The following MGAM2 variants were observed in gnomAD, a reference collection of about 807,000 sequenced individuals.
MGAM2 encodes maltase-glucoamylase 2 (putative).
MGAM2 carries 98 observed loss-of-function variants against 96.1 expected under a neutral mutation model. That is an observed-to-expected ratio of 1.02 (90% confidence interval 0.87 to 1.21). The LOEUF is 1.21. MGAM2 is among the 50% of genes most tolerant of loss of function. The pLI, the probability that MGAM2 is intolerant of heterozygous loss-of-function variation, is 0.00. For missense variants in MGAM2, 2,055 were observed against 1,182.4 expected, an observed-to-expected ratio of 1.74 and a Z score of -10.82; for synonymous variants, 749 against 414.8, an observed-to-expected ratio of 1.81 and a Z score of -9.79.
chr7:142,123,111 C>T (rs552920083), intron 3 of MGAM2, among the ~76,000 whole-genome samples: 25 of 152,176 alleles, frequency 1.6e-4, no homozygotes, highest in Middle Eastern at 3.4e-3. Context: ...GGTGAGCCAC[C>T]GCGCCCGACC....
rs202230778 is a variant in MGAM2, at chr7:142,123,171, C to CTTT, written c.186+2800_186+2802dup. 3.0e-4 allele frequency among the ~76,000 whole-genome samples: 43 copies of CTTT among 145,036 alleles called. 1 individual carries two copies. Among genetic ancestry groups the CTTT allele is most frequent in the South Asian group, 1.7e-3 (8 of 4,610 alleles). On this transcript the variant is annotated intron_variant, in intron 3 of 47. Coordinates refer to ENST00000477922, the MANE Select transcript of MGAM2 (RefSeq NM_001293626.2). Reference sequence around the variant, plus strand: ...GCCTATTGTTAGGTATAGTTATATTCTTTTTTTTTTTTCTGTATCCACCCT... The same window carrying CTTT: ...GCCTATTGTTAGGTATAGTTATATTCTTTTTTTTTTTTTTTCTGTATCCACCCT...
At chr7:142,152,095 C>T (rs1261601987) in intron 15 of MGAM2, among the ~76,000 whole-genome samples, 1 of 151,734 alleles carries the variant, frequency 6.6e-6, no homozygotes, top group Non-Finnish European at 1.5e-5. Context: ...ATTGGCCAGA[C>T]CTGGGGGATA....
In MGAM2 at chr7:142,197,456, A is replaced by G. The variant is rs1171214736; in HGVS notation, c.4689A>G (p.Leu1563=). 2.8e-6 allele frequency: 2 copies of G among 703,026 alleles called. No homozygotes were observed. Among genetic ancestry groups the G allele is most frequent in the Non-Finnish European group, 5.2e-6 (2 of 385,000 alleles). The allele number at this position is 703,026 out of a possible 1,614,324, so 43.5% of individuals were successfully genotyped here. Residue 1563 remains leucine (L), a synonymous_variant, in exon 41 of 48, where the codon CTA becomes CTG. Coordinates refer to ENST00000477922, the MANE Select transcript of MGAM2 (RefSeq NM_001293626.2). ...STFEMLSRKV[L]ETRYTLLPYL... ...TTGAGATGTTGTCCAGAAAAGTCCT[A>G]GAGACCAGATATACCCTGCTTCCTT...
chr7:142,210,380 G>A (rs548523461), intron 46 of MGAM2, among the ~76,000 whole-genome samples: 17 of 151,938 alleles, frequency 1.1e-4, no homozygotes, highest in African/African-American at 3.9e-4. Flanking sequence ...CCAGGGAGCC[G>A]AGTGCCCTTG....
In MGAM2 at chr7:142,220,851, A is replaced by G; in HGVS notation, c.6340A>G (p.Ile2114Val). The change falls in exon 48 of 48, where the codon ATT (isoleucine) becomes GTT (valine). Residue 2114 changes from isoleucine (I) to valine (V), a missense_variant. Transcript: ENST00000477922. ...PSLTSTADAT[I>V]STTVLIATTS... ...TCTGACAAGTACTGCTGATGCCACC[A>G]TTAGTACTACTGTACTTATTGCCAC... is the stretch of plus-strand genomic sequence containing the variant. 1 of 702,150 alleles carries G rather than the reference A, an allele frequency of 1.4e-6. No homozygotes were observed. Among genetic ancestry groups the G allele is most frequent in the Non-Finnish European group, 2.6e-6 (1 of 384,768 alleles). The allele number at this position is 702,150 out of a possible 1,614,324, so 43.5% of individuals were successfully genotyped here. A position where few individuals can be genotyped will look rare whatever the true frequency, so the allele number is the denominator to read the frequency against.
Position 142,220,126 on chromosome 7 carries a change from C to T in MGAM2, c.5615C>T (p.Thr1872Ile). Residue 1872 changes from threonine to isoleucine, a missense_variant, in exon 48 of 48, where the codon ACA (threonine) becomes ATA (isoleucine). Coordinates refer to ENST00000477922, the MANE Select transcript of MGAM2 (RefSeq NM_001293626.2). Reference protein sequence around the residue: ...TTSFPSTTSVTTNTTVPDTTS... With the variant: ...TTSFPSTTSVITNTTVPDTTS... The stretch of plus-strand genomic sequence containing the variant: ...TCTTTCCCAAGTACTACTAGTGTTA[C>T]AACTAATACTACTGTTCCTGATACA... 4.3e-6 allele frequency: 3 copies of T among 702,826 alleles called. No homozygotes were observed. The highest frequency in any genetic ancestry group is 7.8e-6 in the Non-Finnish European group (3 of 384,912). The allele number at this position is 702,826 out of a possible 1,614,324, so 43.5% of individuals were successfully genotyped here.
rs543187906 is a variant in MGAM2 at position 142,165,815 on chromosome 7, T to C, written c.2653-283T>C. On this transcript the variant is annotated intron_variant, in intron 24 of 47. Transcript: ENST00000477922. Reference sequence around the variant, plus strand: ...TGTTGTTATTACTACTTTTATTAAATTGGTAAGCATCACACCCAGAGGACA... The same window carrying C: ...TGTTGTTATTACTACTTTTATTAAACTGGTAAGCATCACACCCAGAGGACA... 2.6e-5 allele frequency among the ~76,000 whole-genome samples: 4 copies of C among 152,304 alleles called. No individual in the cohort carries two copies. In the East Asian group the frequency reaches 7.7e-4, roughly 29 times the overall value.
chr7:142,200,829 A>G (rs923003945), intron 45 of MGAM2, among the ~76,000 whole-genome samples: 1 of 152,080 alleles, frequency 6.6e-6, no homozygotes, highest in African/African-American at 2.4e-5. Context: ...CACTTTTAAT[A>G]TTTTTGCTGT....
In MGAM2 at chr7:142,136,652, C is replaced by T; in HGVS notation, c.847+12C>T. The T allele has an allele frequency of 1.5e-6, 1 of 684,252 alleles. No homozygotes were observed. Among genetic ancestry groups the T allele is most frequent in the South Asian group, 1.6e-5 (1 of 63,480 alleles). The allele number at this position is 684,252 out of a possible 1,614,324, so 42.4% of individuals were successfully genotyped here. A position where few individuals can be genotyped will look rare whatever the true frequency, so the allele number is the denominator to read the frequency against. On this transcript the variant is annotated intron_variant, in intron 8 of 47. Transcript: ENST00000477922. ...CAGTAATGCCATGGGTAGGAAGCAT[C>T]TTTTTATCTTCTGTAGGTAGGAATA...
rs1428658015 is a variant in MGAM2, at chr7:142,166,178, G to A, written c.2733G>A (p.Leu911=). The A allele has an allele frequency of 8.5e-6, 6 of 702,460 alleles. No homozygotes were observed. Among genetic ancestry groups the A allele is most frequent in the South Asian group, 7.4e-5 (5 of 67,498 alleles). The allele number at this position is 702,460 out of a possible 1,614,324, so 43.5% of individuals were successfully genotyped here. A position where few individuals can be genotyped will look rare whatever the true frequency, so the allele number is the denominator to read the frequency against. ...SIRWNLPVSD[L]EKFNCYPDDP... is the part of the protein sequence containing the mutation. ...GGTGGAATCTTCCTGTCAGTGACCT[G>A]GAGAAGTTCAACTGCTACCCTGATG... The change falls in exon 25 of 48, where the codon CTG becomes CTA. Residue 911 remains leucine, a synonymous_variant. Transcript: ENST00000477922.
chr7:142,116,738 T>C (rs1284835586), intron 1 of MGAM2, 136 bp from the exon 2 acceptor site: 1 of 631,062 alleles, frequency 1.6e-6, no homozygotes, highest in Non-Finnish European at 2.9e-6. Flanking sequence ...AAATATTCTT[T>C]AGATTATGTA....
At chr7:142,175,889 C>G (rs1194291851) in intron 32 of MGAM2, 109 bp downstream of exon 32, 3 of 493,594 alleles carry the variant, frequency 6.1e-6, no homozygotes, top group Middle Eastern at 7.6e-4. Flanking sequence ...TTCCTGTACT[C>G]TGTACTTTTT....
intron 13 of MGAM2, among the ~76,000 whole-genome samples, chr7:142,144,581 T>C (rs1379084752): frequency 6.6e-6 from 1 of 152,324 alleles, no homozygotes; most frequent in East Asian, 1.9e-4. Context: ...TTTGAAATGG[T>C]ATTTCTGAAT....
At chr7:142,135,932 C>G (rs746267051) in intron 7 of MGAM2, among the ~76,000 whole-genome samples, 2 of 152,108 alleles carry the variant, frequency 1.3e-5, no homozygotes, top group Non-Finnish European at 2.9e-5. Flanking sequence ...AATACCATCA[C>G]TTTCTGCTAA....
At position 142,172,730 on chromosome 7, in the gene MGAM2, C is replaced by A; in HGVS notation, c.3527C>A (p.Pro1176Gln). ...TTGGACTTCTACATTGTTTTGGGGC[C>A]AACCCCTGAACTTGTAACTCAGCAA... is the stretch of plus-strand genomic sequence containing the variant. ...GILDFYIVLG[P>Q]TPELVTQQYT... is the part of the protein sequence containing the mutation. Residue 1176 changes from proline to glutamine, a missense_variant, in exon 30 of 48, where the codon CCA becomes CAA. Pro to Gln is a moderately conservative substitution (Grantham distance 76). Transcript: ENST00000477922. 1 of 703,808 alleles carries A rather than the reference C, an allele frequency of 1.4e-6. No homozygotes were observed. 43.6% of individuals were successfully genotyped at this position (703,808 alleles called of 1,614,324 possible).
chr7:142,154,338 G>T, intron 16 of MGAM2, 149 bp downstream of exon 16: 1 of 478,546 alleles, frequency 2.1e-6, no homozygotes, highest in Non-Finnish European at 3.7e-6. Context: ...TACGTGAGCT[G>T]CCTTCTGAAG....
At chr7:142,188,109 A>AACACACACACACACACAC (rs60052742) in intron 36 of MGAM2, among the ~76,000 whole-genome samples, 41 of 143,660 alleles carry the variant, frequency 2.9e-4, no homozygotes, top group East Asian at 8.4e-4. Context: ...TAAACCCTTA[A>AACACACACACACACACAC]ACACACACAC....
Position 142,164,852 on chromosome 7 carries a change from C to A in MGAM2, c.2485-4C>A. The A allele has an allele frequency of 1.5e-6, 1 of 689,258 alleles. No individual in the cohort carries two copies. Among genetic ancestry groups the A allele is most frequent in the South Asian group, 1.6e-5 (1 of 64,468 alleles). The allele number at this position is 689,258 out of a possible 1,614,324, so 42.7% of individuals were successfully genotyped here. The stretch of plus-strand genomic sequence containing the variant: ...TCCAATCTGACTTTTTTTTCCCCTC[C>A]CAGAACCATCTACAAGCAAAGATTA... On this transcript the variant is annotated splice_polypyrimidine_tract_variant and splice_region_variant and intron_variant, in intron 23 of 47. Transcript: ENST00000477922.
At chr7:142,154,467 T>A (rs1386640836) in intron 16 of MGAM2, among the ~76,000 whole-genome samples, 1 of 152,138 alleles carries the variant, frequency 6.6e-6, no homozygotes, top group Non-Finnish European at 1.5e-5. Flanking sequence ...AGAGCATTAG[T>A]AAATAAGAAA....
Sources: allele counts gnomAD v4.1 joint callset (sites outside exome capture counted in the v4.1 genomes callset), GRCh38; gene constraint gnomAD v4.1.1; transcripts MANE v1.5; gene names NCBI Gene and HGNC (gene_info 2026-07-23, HGNC 2026-07-21).